NCEH1: variants seen among roughly 807,000 people sequenced by gnomAD.
The protein encoded by NCEH1 is 2-acetyl MAGE hydrolase.
NCEH1 carries 9 observed loss-of-function variants against 25.4 expected under a neutral mutation model. That is an observed-to-expected ratio of 0.35 (90% confidence interval 0.21 to 0.62). The LOEUF (loss-of-function observed/expected upper bound fraction) is 0.62. Ranked by LOEUF, NCEH1 falls within the 20% of genes least tolerant of loss-of-function variation. The pLI is 0.72. For synonymous variants in NCEH1, 200 were observed against 199.8 expected (o/e 1.00, Z -0.01); for missense variants, 412 against 501.1 (o/e 0.82, Z 1.70).
At chr3:172,645,953 G>T (rs763391056) in intron 2 of NCEH1, among the ~76,000 whole-genome samples, 1 of 152,020 alleles carries the variant, frequency 6.6e-6, no homozygotes, top group Non-Finnish European at 1.5e-5. Flanking sequence ...ATTTCATAAC[G>T]GACTATATGA....
chr3:172,666,847 C>A (rs1178233071), intron 1 of NCEH1, among the ~76,000 whole-genome samples: 1 of 152,114 alleles, frequency 6.6e-6, no homozygotes, highest in African/African-American at 2.4e-5. Context: ...GAGAAGTAAT[C>A]CTGTTAGGCA....
chr3:172,642,570 A>G (rs529755493), intron 3 of NCEH1, among the ~76,000 whole-genome samples: 2 of 144,314 alleles, frequency 1.4e-5, no homozygotes, highest in Admixed American at 1.5e-4. Flanking sequence ...GTTAGCCTGA[A>G]TCTTAACAAG....
chr3:172,634,451 G>A (rs1388755828), intron 4 of NCEH1, among the ~76,000 whole-genome samples: 4 of 152,098 alleles, frequency 2.6e-5, no homozygotes, highest in Non-Finnish European at 5.9e-5. Context: ...AAAGGTCATG[G>A]CTTCCTAGGG....
At chr3:172,685,283 T>TCTCAACA (rs1712634290) in intron 1 of NCEH1, among the ~76,000 whole-genome samples, 1 of 152,128 alleles carries the variant, frequency 6.6e-6, no homozygotes, top group South Asian at 2.1e-4. Flanking sequence ...TGAGACTCTA[T>TCTCAACA]CTCAACAACA....
chr3:172,639,509 C>G (rs1716751798), intron 3 of NCEH1, among the ~76,000 whole-genome samples: 2 of 152,128 alleles, frequency 1.3e-5, no homozygotes, highest in South Asian at 4.1e-4. Flanking sequence ...ATAAATATAT[C>G]TGCTCTCTGC....
intron 1 of NCEH1, among the ~76,000 whole-genome samples, chr3:172,700,577 G>A (rs1713624311): frequency 6.6e-6 from 1 of 152,174 alleles, no homozygotes; most frequent in African/African-American, 2.4e-5. Context: ...GTGTAGTGGT[G>A]TGATCATACA....
At chr3:172,671,536 G>T (rs1413108548) in intron 1 of NCEH1, among the ~76,000 whole-genome samples, 1 of 94,810 alleles carries the variant, frequency 1.1e-5, no homozygotes, top group Non-Finnish European at 2.1e-5. Flanking sequence ...CACATATATA[G>T]ATATATATAC....
Position 172,665,244 on chromosome 3 carries a change from G to C in NCEH1, c.139-17130C>G, listed in dbSNP as rs563740808. ...CTCAGCTGCAGGTCTGTTGGAGTTC[G>C]CTGGAGGTCCACTCCAGACCTTGTT... On this transcript the variant is annotated intron_variant, in intron 1 of 4. Transcript: ENST00000475381. Among the ~76,000 whole-genome samples, 14 of 152,290 alleles carry C rather than the reference G, an allele frequency of 9.2e-5. No individual in the cohort carries two copies. The South Asian group carries it at 2.7e-3, about 29-fold the overall frequency.
In NCEH1 at chr3:172,667,769, C is replaced by G. The variant is rs77155365; in HGVS notation, c.139-19655G>C. On this transcript the variant is annotated intron_variant, in intron 1 of 4. Transcript: ENST00000475381. ...TGGAGTGCACTCTACAGCACTGGAA[C>G]ACTTCCTTAACCTAAGGACTTTAAA... Among the ~76,000 whole-genome samples the G allele has an allele frequency of 4.6e-3, 706 of 152,310 alleles. 23 individuals are homozygous for G. In the East Asian group the frequency reaches 0.092, roughly 20 times the overall value.
chr3:172,676,014 C>T (rs1711974868), intron 1 of NCEH1, among the ~76,000 whole-genome samples: 2 of 152,242 alleles, frequency 1.3e-5, no homozygotes, highest in African/African-American at 4.8e-5. Flanking sequence ...TCCAAGAATC[C>T]TTAAATCAAC....
intron 3 of NCEH1, among the ~76,000 whole-genome samples, chr3:172,639,539 G>A (rs893851097): frequency 2.0e-5 from 3 of 152,174 alleles, no homozygotes; most frequent in African/African-American, 7.2e-5. Flanking sequence ...TCAAAGCTAT[G>A]TCCCTGCAAA....
intron 1 of NCEH1, among the ~76,000 whole-genome samples, chr3:172,674,179 C>T (rs890797133): frequency 7.9e-5 from 12 of 152,192 alleles, no homozygotes; most frequent in African/African-American, 2.4e-4. Flanking sequence ...CATTGGCTCA[C>T]GCCTGTAATC....
chr3:172,667,224 T>C (rs1038871460), intron 1 of NCEH1, among the ~76,000 whole-genome samples: 2 of 152,208 alleles, frequency 1.3e-5, no homozygotes, highest in Admixed American at 6.5e-5. Context: ...TCGGTTCCTA[T>C]GTATTTTTAA....
intron 1 of NCEH1, among the ~76,000 whole-genome samples, chr3:172,667,685 C>T (rs182271090): frequency 3.4e-4 from 52 of 152,298 alleles, no homozygotes; most frequent in Middle Eastern, 3.4e-3. Context: ...TAAGAGGATG[C>T]TTTTATTCTC....
intron 3 of NCEH1, among the ~76,000 whole-genome samples, chr3:172,640,808 CCT>C (rs773498254): frequency 3.3e-5 from 5 of 151,538 alleles, no homozygotes; most frequent in Admixed American, 2.6e-4. Flanking sequence ...CGCCCGGCCC[CCT>C]GTCCCCTTTA....
chr3:172,709,123 C>A (rs1415124854), intron 1 of NCEH1, among the ~76,000 whole-genome samples: 1 of 152,216 alleles, frequency 6.6e-6, no homozygotes, highest in African/African-American at 2.4e-5. Context: ...TGAGGGTATA[C>A]TCTGTGGAGG....
intron 1 of NCEH1, among the ~76,000 whole-genome samples, chr3:172,666,979 C>T (rs1718236599): frequency 6.6e-6 from 1 of 152,168 alleles, no homozygotes; most frequent in Admixed American, 6.5e-5. Context: ...AATCCTCTGG[C>T]GAGCCCAAGG....
Position 172,699,983 on chromosome 3 carries a change from ACTAT to A in NCEH1, c.138+10860_138+10863del, listed in dbSNP as rs201640653. 5.3e-3 allele frequency among the ~76,000 whole-genome samples: 810 copies of A among 152,360 alleles called. 9 individuals are homozygous for A. The highest frequency in any genetic ancestry group is 0.017 in the African/African-American group (693 of 41,580). On this transcript the variant is annotated intron_variant, in intron 1 of 4. Coordinates refer to ENST00000475381, the MANE Select transcript of NCEH1 (RefSeq NM_020792.6). Reference sequence around the variant, plus strand: ...CTACCTAAATACATGTAACTTGGGGACTATCTATCTGTGTTTAATAACAATGATA... The same window carrying A: ...CTACCTAAATACATGTAACTTGGGGACTATCTGTGTTTAATAACAATGATA...
intron 1 of NCEH1, among the ~76,000 whole-genome samples, chr3:172,688,330 CAAAAA>C (rs11376665): frequency 1.6e-3 from 107 of 66,240 alleles, no homozygotes; most frequent in African/African-American, 5.8e-3. Context: ...AACTCCACCT[CAAAAA>C]AAAAAAAAAA....
Sources: gnomAD v4.1 joint callset for allele counts (sites outside exome capture counted in the v4.1 genomes callset) on GRCh38, gnomAD v4.1.1 for gene constraint, MANE v1.5 for transcripts, NCBI Gene and HGNC (gene_info 2026-07-23, HGNC 2026-07-21) for gene names.